Variants in RNF157 observed in about 807,000 individuals in gnomAD.
RNF157 encodes E3 ubiquitin ligase RNF157.
Under a neutral mutation model 88.3 loss-of-function variants are expected in RNF157, and 55 were observed. The observed-to-expected ratio is 0.62, with a 90% CI of 0.50 to 0.78. RNF157 has a LOEUF of 0.78. Among genes scored for constraint, RNF157 ranks in the 30% least tolerant of loss-of-function variants. The pLI is 0.00. For missense variants in RNF157, 788 were observed against 860.8 expected (o/e 0.92, Z 1.06); for synonymous variants, 334 against 341.2 (o/e 0.98, Z 0.23).
intron 1 of RNF157, among the ~76,000 whole-genome samples, chr17:76,221,510 G>C (rs555554843): frequency 2.6e-5 from 4 of 152,216 alleles, no homozygotes; most frequent in African/African-American, 7.2e-5. Context: ...TATTGTAAGG[G>C]GGGAAAGTAT....
In RNF157 at chr17:76,161,089, A is replaced by G. The variant is rs1441070872; in HGVS notation, c.1065+446T>C. 6.6e-6 allele frequency among the ~76,000 whole-genome samples: 1 copy of G among 152,232 alleles called. No homozygotes were observed. The highest frequency in any genetic ancestry group is 1.9e-4 in the East Asian group (1 of 5,206). On this transcript the variant is annotated intron_variant, in intron 11 of 18. Coordinates refer to ENST00000269391, the MANE Select transcript of RNF157 (RefSeq NM_052916.3). This position sits in a 1 kb window ranked among gnomAD's most constrained non-coding sequence, Gnocchi z 4.6. The stretch of plus-strand genomic sequence containing the variant: ...CAAAGCTTTGAGGTTTCACCCTAAT[A>G]TCAGCACTTACACTAGGAAACTGAA...
chr17:76,181,898 ACT>A (rs1246287170), intron 2 of RNF157, among the ~76,000 whole-genome samples: 14 of 141,306 alleles, frequency 9.9e-5, no homozygotes, highest in African/African-American at 3.8e-4. Context: ...ACCGAGTGAG[ACT>A]CTGTCTCAAA....
At position 76,158,441 on chromosome 17, in the gene RNF157, C is replaced by A. The variant is rs114392333; in HGVS notation, c.1365G>T (p.Glu455Asp). ...GTCTCTGAGAGAGCTGTGTCTCCGA[C>A]TCGCTGCAGGAATGCTCATCTTCCT... ...HEEEDEHSCS[E>D]SETQLSQRPS... The change falls in exon 13 of 19, where the codon GAG (glutamate) becomes GAT (aspartate). Residue 455 changes from glutamate (E) to aspartate (D), a missense_variant. Coordinates refer to ENST00000269391, the MANE Select transcript of RNF157 (RefSeq NM_052916.3). 523 of 1,614,004 alleles carry A rather than the reference C, an allele frequency of 3.2e-4. 1 individual carries two copies. In the African/African-American group the frequency reaches 6.2e-3, roughly 19 times the overall value.
intron 1 of RNF157, chr17:76,226,939 G>C: frequency 1.4e-6 from 1 of 694,240 alleles, no homozygotes; most frequent in Non-Finnish European, 2.4e-6. Context: ...TGCAGAGCCT[G>C]GTGCTGCTGC....
intron 1 of RNF157, among the ~76,000 whole-genome samples, chr17:76,232,853 T>C (rs2070216847): frequency 6.6e-6 from 1 of 152,248 alleles, no homozygotes; most frequent in Non-Finnish European, 1.5e-5. Context: ...GCTGCTGATG[T>C]TGAGTATCTT....
chr17:76,217,776 C>T (rs1370676212), intron 1 of RNF157, among the ~76,000 whole-genome samples: 5 of 152,154 alleles, frequency 3.3e-5, no homozygotes, highest in Non-Finnish European at 7.4e-5. Flanking sequence ...AAACATATGT[C>T]ACTAGTAGAT....
At chr17:76,205,594 G>A (rs1041147010) in intron 2 of RNF157, among the ~76,000 whole-genome samples, 2 of 152,100 alleles carry the variant, frequency 1.3e-5, no homozygotes, top group African/African-American at 4.8e-5. Context: ...GCGTGGTGGT[G>A]TGTGCCTGTA....
At chr17:76,219,483 G>A (rs573058895) in intron 1 of RNF157, among the ~76,000 whole-genome samples, 26 of 152,050 alleles carry the variant, frequency 1.7e-4, no homozygotes, top group African/African-American at 5.3e-4. Flanking sequence ...AACAAGCAAT[G>A]TAAGGATAAA....
chr17:76,239,377 T>C (rs536987679), intron 1 of RNF157, among the ~76,000 whole-genome samples: 25 of 152,214 alleles, frequency 1.6e-4, no homozygotes, highest in Non-Finnish European at 2.9e-4. Context: ...GAAGGGATGA[T>C]TCTAATAACA....
intron 2 of RNF157, among the ~76,000 whole-genome samples, chr17:76,193,495 C>T (rs1026825841): frequency 6.6e-6 from 1 of 151,806 alleles, no homozygotes; most frequent in African/African-American, 2.4e-5. Flanking sequence ...TGTAGATCTG[C>T]CCTATATTCT....
chr17:76,168,624 C>T (rs1474543784), intron 3 of RNF157, among the ~76,000 whole-genome samples: 1 of 152,048 alleles, frequency 6.6e-6, no homozygotes, highest in Non-Finnish European at 1.5e-5. Flanking sequence ...CCAGTCGCCA[C>T]CCTGGAATCT....
At position 76,157,409 on chromosome 17, in the gene RNF157, G is replaced by A. The variant is rs114176315; in HGVS notation, c.1413+984C>T. Among the ~76,000 whole-genome samples the A allele has an allele frequency of 2.0e-3, 303 of 152,292 alleles. No individual in the cohort carries two copies. The highest frequency in any genetic ancestry group is 6.7e-3 in the African/African-American group (280 of 41,568). On this transcript the variant is annotated intron_variant, in intron 13 of 18. Coordinates refer to ENST00000269391, the MANE Select transcript of RNF157 (RefSeq NM_052916.3). The surrounding 1 kb of genome is among the most constrained non-coding windows in gnomAD (Gnocchi z 5.6). ...GTGCCCCTGGCTTGCTCCGAGCCCC[G>A]ACTTCCTGCTCTGTGCCTTTGCATG...
At chr17:76,164,891 G>T in intron 7 of RNF157, 96 bp from the exon 8 acceptor site, 1 of 766,324 alleles carries the variant, frequency 1.3e-6, no homozygotes, top group Non-Finnish European at 2.2e-6. Flanking sequence ...CGCCCTCCCT[G>T]ATCTGCAGTT....
At chr17:76,237,224 C>T (rs1245149171) in intron 1 of RNF157, among the ~76,000 whole-genome samples, 1 of 152,208 alleles carries the variant, frequency 6.6e-6, no homozygotes, top group South Asian at 2.1e-4. Flanking sequence ...GCATACAAAA[C>T]TAAGAAGTTC....
rs903767876 is a variant in RNF157 at position 76,167,138 on chromosome 17, A to G, written c.444-12T>C. 1 of 1,601,070 alleles carries G rather than the reference A, an allele frequency of 6.2e-7. No individual in the cohort carries two copies. Among genetic ancestry groups the G allele is most frequent in the Non-Finnish European group, 8.5e-7 (1 of 1,169,662 alleles). ...CTTTGGGAATGTAGCTATTGATACA[A>G]GTGGGAGGCAAAGCAAAAGTCAGTA... On this transcript the variant is annotated splice_polypyrimidine_tract_variant and intron_variant, in intron 4 of 18. Transcript: ENST00000269391.
At chr17:76,168,332 T>A (rs1163786754) in intron 3 of RNF157, among the ~76,000 whole-genome samples, 1 of 152,128 alleles carries the variant, frequency 6.6e-6, no homozygotes, top group Non-Finnish European at 1.5e-5. Context: ...ATTATAATAG[T>A]CCAGTACATT....
intron 17 of RNF157, 112 bp downstream of exon 17, chr17:76,154,171 A>G: frequency 1.3e-6 from 1 of 791,922 alleles, no homozygotes; most frequent in South Asian, 1.4e-5. Flanking sequence ...TAACAGCCCC[A>G]TACAACTGAG....
chr17:76,156,221 G>C lies in RNF157; in HGVS notation c.1514C>G (p.Ser505Cys). Residue 505 changes from serine (S) to cysteine (C), a missense_variant, in exon 14 of 19, where the codon TCC becomes TGC. By Grantham distance (112) the Ser-to-Cys change is moderately radical. Coordinates refer to ENST00000269391, the MANE Select transcript of RNF157 (RefSeq NM_052916.3). ...CGCTCCTTATGTACCTTCTGGGGAGGAAATAGTGGATGACAGAGGCGTCCC... is the reference window on the plus strand; with the variant it reads ...CGCTCCTTATGTACCTTCTGGGGAGCAAATAGTGGATGACAGAGGCGTCCC... The part of the protein sequence containing the change: ...CTGTPLSSTI[S>C]SPEGPASSSL... 1 of 1,613,428 alleles carries C rather than the reference G, an allele frequency of 6.2e-7. No homozygotes were observed.
chr17:76,200,964 G>A (rs1364837654), intron 2 of RNF157, among the ~76,000 whole-genome samples: 2 of 152,074 alleles, frequency 1.3e-5, no homozygotes, highest in African/African-American at 2.4e-5. Context: ...GACACTTCCT[G>A]GCACACATCC....
Sources: allele counts gnomAD v4.1 joint callset (sites outside exome capture counted in the v4.1 genomes callset), GRCh38; gene constraint gnomAD v4.1.1; non-coding constraint Gnocchi (gnomAD v3.1); transcripts MANE v1.5; gene names NCBI Gene and HGNC (gene_info 2026-07-23, HGNC 2026-07-21).